HIGD1B: variants seen among roughly 807,000 people sequenced by gnomAD.
HIGD1B encodes the protein HIG1 domain family member 1B.
HIGD1B carries 9 observed loss-of-function variants against 8.8 expected under a neutral mutation model. That is an observed-to-expected ratio of 1.02 (90% CI 0.62 to 1.78). The LOEUF is 1.78. Ranked by LOEUF, HIGD1B falls within the 40% of genes most tolerant of loss-of-function variation. The pLI, the probability that HIGD1B is intolerant of heterozygous loss-of-function variation, is 0.00. For missense variants in HIGD1B, 126 were observed against 111.8 expected, an observed-to-expected ratio of 1.13 and a Z score of -0.57; for synonymous variants, 47 against 38.8, an observed-to-expected ratio of 1.21 and a Z score of -0.78.
upstream of HIGD1B, among the ~76,000 whole-genome samples, chr17:44,847,016 C>A (rs2050329849): frequency 1.3e-5 from 2 of 151,888 alleles, no homozygotes; most frequent in Admixed American, 1.3e-4. Context: ...CACCTGTAAT[C>A]CCAGCTACTT....
rs1344863251 is a variant in HIGD1B at position 44,849,370 on chromosome 17, G to T, written c.217G>T (p.Val73Leu). ...HTRVAAQACAVGAIMLGAVYT... is the reference protein window; with the variant it reads ...HTRVAAQACALGAIMLGAVYT... Reference sequence around the variant, plus strand: ...CCGAGTGGCAGCGCAGGCCTGTGCAGTGGGTGCAATCATGCTAGGTGAGTA... The same window carrying T: ...CCGAGTGGCAGCGCAGGCCTGTGCATTGGGTGCAATCATGCTAGGTGAGTA... The change falls in exon 2 of 3, where the codon GTG (valine) becomes TTG (leucine). Residue 73 changes from valine (V) to leucine (L), a missense_variant. Val to Leu is a conservative substitution (Grantham distance 32). Transcript: ENST00000253410. 38 of 1,614,156 alleles carry T rather than the reference G, an allele frequency of 2.4e-5. No homozygotes were observed. The highest frequency in any genetic ancestry group is 3.1e-5 in the Non-Finnish European group (37 of 1,180,006).
At chr17:44,848,287 G>T (rs374655724) in intron 1 of HIGD1B, 35 bp downstream of exon 1, 1 of 861,194 alleles carries the variant, frequency 1.2e-6, no homozygotes, top group East Asian at 2.4e-5. Flanking sequence ...CCGAGTAGGA[G>T]GCCTTCTCTG....
At chr17:44,849,073 G>A (rs555091041) in intron 1 of HIGD1B, 181 bp from the exon 2 acceptor site, 68 of 607,234 alleles carry the variant, frequency 1.1e-4, no homozygotes, top group Middle Eastern at 4.6e-4. Context: ...ACCATGCCCC[G>A]GCAACAACTC....
upstream of HIGD1B, among the ~76,000 whole-genome samples, chr17:44,847,402 C>T (rs186169924): frequency 2.0e-5 from 3 of 152,176 alleles, no homozygotes; most frequent in South Asian, 2.1e-4. Context: ...CACTGCAGTC[C>T]GCAGTCCGGC....
In HIGD1B at chr17:44,848,164, C is replaced by T. The variant is rs1326607396; in HGVS notation, c.12C>T (p.Asn4=). 2 of 872,648 alleles carry T rather than the reference C, an allele frequency of 2.3e-6. No individual in the cohort carries two copies. The highest frequency in any genetic ancestry group is 4.0e-6 in the Non-Finnish European group (2 of 501,578). The allele number at this position is 872,648 out of a possible 1,614,324, so 54.1% of individuals were successfully genotyped here. Residue 4 remains asparagine, a synonymous_variant, in exon 1 of 3, where the codon AAC becomes AAT. Coordinates refer to ENST00000253410, the MANE Select transcript of HIGD1B (RefSeq NM_016438.4). Reference sequence around the variant, plus strand: ...CCAGGTCCAGGATTATGTCTGCTAACAGACGCTGGTGGGTACCACCTGACG... The same window carrying T: ...CCAGGTCCAGGATTATGTCTGCTAATAGACGCTGGTGGGTACCACCTGACG... The part of the protein sequence containing the change: MSA[N]RRWWVPPDDE...
In HIGD1B at chr17:44,848,070, C is replaced by CAA. The variant is rs1321016052; in HGVS notation, c.-82_-81insAA. On this transcript the variant is annotated 5_prime_UTR_variant, in exon 1 of 3. Coordinates refer to ENST00000253410, the MANE Select transcript of HIGD1B (RefSeq NM_016438.4). ...TCCTTTCCTCTCCAGACTGAGGAATCAGAGTTCTGATTGTGGAGTGCCTCT... is the reference window on the plus strand; with the variant it reads ...TCCTTTCCTCTCCAGACTGAGGAATCAAAGAGTTCTGATTGTGGAGTGCCTCT... 1.3e-6 allele frequency: 1 copy of CAA among 750,422 alleles called. No homozygotes were observed. Among genetic ancestry groups the CAA allele is most frequent in the African/African-American group, 1.7e-5 (1 of 57,424 alleles). 46.5% of individuals were successfully genotyped at this position (750,422 alleles called of 1,614,324 possible).
chr17:44,846,426 G>C (rs762541757), upstream of HIGD1B: 1 of 152,352 alleles, frequency 6.6e-6, no homozygotes, highest in Non-Finnish European at 1.5e-5. Flanking sequence ...CATCTCTTAG[G>C]GTAAGCACCA....
chr17:44,847,459 G>T (rs1233179135), upstream of HIGD1B, among the ~76,000 whole-genome samples: 1 of 152,244 alleles, frequency 6.6e-6, no homozygotes, highest in Non-Finnish European at 1.5e-5. Flanking sequence ...GCATCCCATT[G>T]GCAGAACCCT....
chr17:44,850,294 T>G, intron 2 of HIGD1B, 38 bp from the exon 3 acceptor site: 1 of 1,568,222 alleles, frequency 6.4e-7, no homozygotes, highest in Non-Finnish European at 8.7e-7. Context: ...GGTGAAGGGT[T>G]TGATGCCAAG....
chr17:44,848,296 T>C, intron 1 of HIGD1B, 44 bp downstream of exon 1: 1 of 851,116 alleles, frequency 1.2e-6, no homozygotes, highest in South Asian at 1.3e-5. Context: ...AGGCCTTCTC[T>C]GTCATGTCTC....
At chr17:44,848,967 G>C in intron 1 of HIGD1B, 1 of 308,720 alleles carries the variant, frequency 3.2e-6, no homozygotes. Context: ...TAGAGACTGG[G>C]TTTCTCCATT....
chr17:44,846,368 C>G (rs2050322459), upstream of HIGD1B: 1 of 152,312 alleles, frequency 6.6e-6, no homozygotes, highest in East Asian at 1.9e-4. Flanking sequence ...CGGTTCAAAA[C>G]AGCAGACGCT....
chr17:44,848,113 AGCATAGGAGTCT>A lies in HIGD1B; in HGVS notation c.-39_-28del, dbSNP rs763274039. 1.2e-6 allele frequency: 1 copy of A among 857,404 alleles called. No homozygotes were observed. The highest frequency in any genetic ancestry group is 1.3e-5 in the South Asian group (1 of 75,368). The allele number at this position is 857,404 out of a possible 1,614,324, so 53.1% of individuals were successfully genotyped here. On this transcript the variant is annotated 5_prime_UTR_variant, in exon 1 of 3. Coordinates refer to ENST00000253410, the MANE Select transcript of HIGD1B (RefSeq NM_016438.4). The stretch of plus-strand genomic sequence containing the variant: ...GTGCCTCTCTCTAGGACGGGGCTGC[AGCATAGGAGTCT>A]CAGCTGCTTACATCCAGGTCCAGGA...
chr17:44,850,290 G>A, intron 2 of HIGD1B, 42 bp from the exon 3 acceptor site: 2 of 1,546,454 alleles, frequency 1.3e-6, no homozygotes, highest in Non-Finnish European at 1.8e-6. Flanking sequence ...GACGGGTGAA[G>A]GGTTTGATGC....
upstream of HIGD1B, among the ~76,000 whole-genome samples, chr17:44,847,186 C>A (rs1342156562): frequency 6.6e-6 from 1 of 152,078 alleles, no homozygotes; most frequent in Non-Finnish European, 1.5e-5. Context: ...GTAATCCCAG[C>A]ACTTTGGGAG....
chr17:44,849,652 C>T (rs1445000452), intron 2 of HIGD1B, among the ~76,000 whole-genome samples: 2 of 149,876 alleles, frequency 1.3e-5, no homozygotes, highest in African/African-American at 4.9e-5. Context: ...CCCAGCTACT[C>T]TGGAGGCTTC....
intron 2 of HIGD1B, 148 bp downstream of exon 2, chr17:44,849,536 C>G: frequency 1.2e-6 from 1 of 863,874 alleles, no homozygotes; most frequent in Non-Finnish European, 1.8e-6. Context: ...CCAAGGCGGG[C>G]AGATCATGAG....
In HIGD1B at chr17:44,849,590, T is replaced by C. The variant is rs574671001; in HGVS notation, c.235+202T>C. Among the ~76,000 whole-genome samples, 561 of 151,988 alleles carry C rather than the reference T, an allele frequency of 3.7e-3. 4 individuals are homozygous for C. The highest frequency in any genetic ancestry group is 0.013 in the African/African-American group (551 of 41,444). ...TCCTGGCCAACATGGTGAAACCCCA[T>C]ATCTACTAAAAATACAAAAATTAGC... On this transcript the variant is annotated intron_variant, in intron 2 of 2. Transcript: ENST00000253410.
In HIGD1B at chr17:44,848,559, G is replaced by A. The variant is rs73984094; in HGVS notation, c.100+307G>A. ...CTTCCTTCCTTATGGCCCTGGTAGA[G>A]TAGGAAAACAGCTGTACCAGGAGGT... On this transcript the variant is annotated intron_variant, in intron 1 of 2. Coordinates refer to ENST00000253410, the MANE Select transcript of HIGD1B (RefSeq NM_016438.4). 6.0e-3 allele frequency among the ~76,000 whole-genome samples: 915 copies of A among 152,244 alleles called. 10 individuals are homozygous for A. Among genetic ancestry groups the A allele is most frequent in the African/African-American group, 0.021 (873 of 41,532 alleles).
Sources: gnomAD v4.1 joint callset for allele counts (sites outside exome capture counted in the v4.1 genomes callset) on GRCh38, gnomAD v4.1.1 for gene constraint, MANE v1.5 for transcripts, NCBI Gene and HGNC (gene_info 2026-07-23, HGNC 2026-07-21) for gene names.